Variants in HCK observed in about 807,000 individuals in gnomAD.
HCK encodes the protein HCK proto-oncogene, Src family tyrosine kinase, also known as tyrosine-protein kinase HCK.
In HCK, 40 loss-of-function variants were observed where a neutral mutation model predicts 70.4. The observed-to-expected ratio is 0.57, with a 90% CI of 0.44 to 0.74. The LOEUF is 0.74. Ranked by LOEUF, HCK falls within the 30% of genes least tolerant of loss-of-function variation. HCK has a pLI of 0.00. For missense variants in HCK, 568 were observed against 697.2 expected (o/e 0.81, Z 2.09); for synonymous variants, 245 against 263.2 (o/e 0.93, Z 0.67).
At chr20:32,084,568 CAGGGCCAG>C in intron 8 of HCK, 25 bp downstream of exon 8, 1 of 1,604,466 alleles carries the variant, frequency 6.2e-7, no homozygotes, top group Admixed American at 1.7e-5. Context: ...CCACAGCCCA[CAGGGCCAG>C]AGGGTGGAGG....
intron 11 of HCK, 34 bp downstream of exon 11, chr20:32,094,050 C>A: frequency 6.3e-7 from 1 of 1,594,314 alleles, no homozygotes; most frequent in Non-Finnish European, 8.6e-7. Flanking sequence ...CCACGTTGCC[C>A]ATTTGGATGC....
At chr20:32,054,659 A>G (rs1243778308) in intron 1 of HCK, among the ~76,000 whole-genome samples, 2 of 151,300 alleles carry the variant, frequency 1.3e-5, no homozygotes, top group African/African-American at 4.9e-5. Flanking sequence ...ACAAAAAATT[A>G]GCCGGGCATG....
intron 1 of HCK, among the ~76,000 whole-genome samples, chr20:32,055,176 C>G (rs1355434716): frequency 6.6e-6 from 1 of 150,706 alleles, no homozygotes; most frequent in Non-Finnish European, 1.5e-5. Flanking sequence ...TCACACTCCC[C>G]TTTGTGTGAG....
chr20:32,095,934 G>C (rs960926631), intron 11 of HCK, among the ~76,000 whole-genome samples: 19 of 151,490 alleles, frequency 1.3e-4, no homozygotes, highest in Admixed American at 3.9e-4. Context: ...CTGCTGCCCA[G>C]GCTGGAGTGC....
chr20:32,071,829 C>T (rs1266205297), intron 2 of HCK, 47 bp downstream of exon 2: 2 of 1,594,918 alleles, frequency 1.3e-6, no homozygotes, highest in Non-Finnish European at 8.5e-7. Flanking sequence ...CGGATGCTGC[C>T]CCAACATTGC....
At chr20:32,064,853 G>A (rs2045433156) in intron 1 of HCK, among the ~76,000 whole-genome samples, 1 of 152,234 alleles carries the variant, frequency 6.6e-6, no homozygotes, top group African/African-American at 2.4e-5. Flanking sequence ...CTGAGGCGGT[G>A]AGGAGCAGGT....
intron 9 of HCK, among the ~76,000 whole-genome samples, chr20:32,087,229 C>G (rs2045801329): frequency 1.3e-5 from 2 of 151,946 alleles, no homozygotes; most frequent in African/African-American, 4.8e-5. Context: ...CACCCCCGCC[C>G]TGCCACAACT....
chr20:32,063,096 C>G (rs141743150), intron 1 of HCK, among the ~76,000 whole-genome samples: 30 of 152,300 alleles, frequency 2.0e-4, no homozygotes, highest in African/African-American at 6.7e-4. Context: ...CTACCACTGA[C>G]TAGCCGGGGG....
chr20:32,063,908 T>G (rs2045416359), intron 1 of HCK, among the ~76,000 whole-genome samples: 1 of 151,488 alleles, frequency 6.6e-6, no homozygotes, highest in African/African-American at 2.4e-5. Context: ...GGGTTTGCCT[T>G]GCTGCTGCAG....
At chr20:32,061,036 T>G (rs184127693) in intron 1 of HCK, among the ~76,000 whole-genome samples, 293 of 152,146 alleles carry the variant, frequency 1.9e-3, no homozygotes, top group African/African-American at 6.0e-3. Flanking sequence ...CAGGCTGGAG[T>G]GCAGTGGCGC....
intron 1 of HCK, among the ~76,000 whole-genome samples, chr20:32,053,880 T>G (rs2045222438): frequency 6.6e-6 from 1 of 152,022 alleles, no homozygotes; most frequent in Non-Finnish European, 1.5e-5. Context: ...CCGGTGATGC[T>G]GCTGCTGCTG....
At chr20:32,056,929 A>G (rs1369989251) in intron 1 of HCK, among the ~76,000 whole-genome samples, 1 of 152,210 alleles carries the variant, frequency 6.6e-6, no homozygotes, top group Non-Finnish European at 1.5e-5. Flanking sequence ...GACAAACGCA[A>G]TGAATGTTGG....
At chr20:32,064,205 A>C (rs894941702) in intron 1 of HCK, among the ~76,000 whole-genome samples, 4 of 151,760 alleles carry the variant, frequency 2.6e-5, no homozygotes, top group African/African-American at 9.7e-5. Context: ...GGGTTTCACC[A>C]TGTTGGACAA....
At chr20:32,063,734 A>G (rs1319226917) in intron 1 of HCK, among the ~76,000 whole-genome samples, 3 of 151,892 alleles carry the variant, frequency 2.0e-5, no homozygotes, top group Admixed American at 6.6e-5. Context: ...AATCCCTTAT[A>G]AGAATTCCCT....
chr20:32,101,538 G>T lies in HCK; in HGVS notation c.*19G>T, dbSNP rs973680807. 1.2e-6 allele frequency: 2 copies of T among 1,600,136 alleles called. No homozygotes were observed. The highest frequency in any genetic ancestry group is 8.5e-7 in the Non-Finnish European group (1 of 1,171,256). On this transcript the variant is annotated 3_prime_UTR_variant, in exon 13 of 13. Coordinates refer to ENST00000375852, the MANE Select transcript of HCK (RefSeq NM_002110.5). ...GCCATGATAGGGAGGACCAGGGCAG[G>T]GCCAGGGGGTGCCCAGGTGGTGGCT...
rs993836147 is a variant in HCK at position 32,083,797 on chromosome 20, C to T, written c.533-97C>T. ...GGGCACTTCTGCCCAGGTGTCAGGA[C>T]GGTGCCAGCGGTAGCCTTACAGGGT... On this transcript the variant is annotated intron_variant, in intron 6 of 12. Transcript: ENST00000375852. 7 of 1,424,654 alleles carry T rather than the reference C, an allele frequency of 4.9e-6. No individual in the cohort carries two copies. In the African/African-American group the frequency reaches 5.6e-5, roughly 11 times the overall value. 88.3% of individuals were successfully genotyped at this position (1,424,654 alleles called of 1,614,324 possible).
intron 8 of HCK, among the ~76,000 whole-genome samples, chr20:32,084,961 T>G (rs148201037): frequency 6.6e-6 from 1 of 152,348 alleles, no homozygotes; most frequent in African/African-American, 2.4e-5. Flanking sequence ...CCAGCACTGT[T>G]AGGGTCTTGT....
intron 1 of HCK, 73 bp downstream of exon 1, chr20:32,052,559 G>T: frequency 9.0e-7 from 1 of 1,108,056 alleles, no homozygotes; most frequent in African/African-American, 1.6e-5. Flanking sequence ...GAGCCCAGGA[G>T]CCTGGGGAGG....
intron 11 of HCK, among the ~76,000 whole-genome samples, chr20:32,094,790 AAAGAAAGAAAGAAAGAAAGAAAG>A (rs1412042704): frequency 1.2e-3 from 17 of 13,690 alleles, no homozygotes; most frequent in South Asian, 5.1e-3. Flanking sequence ...AGAGAAAGAG[AAAGAAAGAAAGAAAGAAAGAAAG>A]AAAGAAAGAA....
Sources: gnomAD v4.1 joint callset for allele counts (sites outside exome capture counted in the v4.1 genomes callset) on GRCh38, gnomAD v4.1.1 for gene constraint, MANE v1.5 for transcripts, NCBI Gene and HGNC (gene_info 2026-07-23, HGNC 2026-07-21) for gene names.